HDX: variants seen among roughly 807,000 people sequenced by gnomAD.
HDX encodes highly divergent homeobox.
HDX carries 19 observed loss-of-function variants against 45.2 expected under a neutral mutation model. The observed-to-expected ratio is 0.42, with a 90% CI of 0.29 to 0.62. The LOEUF (loss-of-function observed/expected upper bound fraction) is 0.62. HDX is among the 20% of genes least tolerant of loss of function. The pLI, the probability that HDX is intolerant of heterozygous loss-of-function variation, is 0.20. For synonymous variants in HDX, 188 were observed against 172.8 expected (o/e 1.09, Z -0.69); for missense variants, 532 against 493.9 (o/e 1.08, Z -0.73).
intron 5 of HDX, among the ~76,000 whole-genome samples, chrX:84,419,966 G>A (rs1160003916): frequency 8.9e-6 from 1 of 111,746 alleles, no homozygotes. Flanking sequence ...AGGGCTTCAG[G>A]TGCCACCTAA....
At chrX:84,335,689 A>G (rs937297750) in intron 8 of HDX, among the ~76,000 whole-genome samples, 2 of 111,311 alleles carry the variant, frequency 1.8e-5, no homozygotes, top group Non-Finnish European at 3.8e-5. Context: ...GAAAACAATT[A>G]CTAGTAGCTA....
intron 5 of HDX, among the ~76,000 whole-genome samples, chrX:84,427,219 C>T (rs2039403834): frequency 9.0e-6 from 1 of 111,023 alleles, no homozygotes; most frequent in African/African-American, 3.3e-5. Context: ...ATCTACATTA[C>T]ATTTCATAAG....
chrX:84,486,479 C>T (rs753552278), intron 2 of HDX, among the ~76,000 whole-genome samples: 209 of 111,552 alleles, frequency 1.9e-3, no homozygotes, highest in African/African-American at 6.8e-3. Context: ...CTCAAATTTT[C>T]TCCTGCTATC....
intron 5 of HDX, among the ~76,000 whole-genome samples, chrX:84,423,015 A>G (rs1166335773): frequency 9.0e-6 from 1 of 111,229 alleles, no homozygotes; most frequent in East Asian, 2.8e-4. Flanking sequence ...AGAAATTTAA[A>G]AAAAAGAAAA....
At chrX:84,381,800 T>G (rs1162392117) in intron 5 of HDX, among the ~76,000 whole-genome samples, 1 of 110,982 alleles carries the variant, frequency 9.0e-6, no homozygotes, top group Non-Finnish European at 1.9e-5. Flanking sequence ...GGGCAAAAAT[T>G]TCTTGCATAA....
intron 7 of HDX, among the ~76,000 whole-genome samples, chrX:84,340,826 A>G (rs1322217024): frequency 2.7e-5 from 3 of 111,122 alleles, no homozygotes; most frequent in East Asian, 5.7e-4. Context: ...AATTCTAGGC[A>G]ATCACACTTC....
rs2037004814 is a variant in HDX at position 84,338,055 on chromosome X, A to G, written c.1661-1175T>C. On this transcript the variant is annotated intron_variant, in intron 7 of 10. Transcript: ENST00000373177. Reference sequence around the variant, plus strand: ...ATTTCGCGATCTCATGGTAACTGACATTTTACTTCACCTTAGGAAGCAGAA... The same window carrying G: ...ATTTCGCGATCTCATGGTAACTGACGTTTTACTTCACCTTAGGAAGCAGAA... Among the ~76,000 whole-genome samples, 4 of 111,283 alleles carry G rather than the reference A, an allele frequency of 3.6e-5. No individual in the cohort carries two copies. The South Asian group carries it at 1.5e-3, about 41-fold the overall frequency.
At chrX:84,369,080 C>T (rs1261040565) in intron 5 of HDX, among the ~76,000 whole-genome samples, 3 of 110,796 alleles carry the variant, frequency 2.7e-5, no homozygotes, top group South Asian at 3.9e-4. Context: ...TACCCATTTC[C>T]CCTCCCCAAA....
chrX:84,353,777 G>C (rs2037413875), intron 6 of HDX, among the ~76,000 whole-genome samples: 1 of 111,371 alleles, frequency 9.0e-6, no homozygotes, highest in Admixed American at 9.6e-5. Context: ...ACAATCTGTT[G>C]AGCGTCTGAA....
intron 5 of HDX, among the ~76,000 whole-genome samples, chrX:84,399,248 A>C (rs113047329): frequency 0.24 from 24,043 of 101,992 alleles, 2,492 homozygotes; most frequent in Non-Finnish European, 0.29. Flanking sequence ...AGAGACACAA[A>C]CCCCCCCCCA....
chrX:84,436,393 A>G (rs971545181), intron 5 of HDX, among the ~76,000 whole-genome samples: 1 of 106,377 alleles, frequency 9.4e-6, no homozygotes, highest in East Asian at 2.9e-4. Flanking sequence ...AAAGTATAAT[A>G]AAAAAAAAGA....
intron 6 of HDX, among the ~76,000 whole-genome samples, chrX:84,361,188 T>G (rs896064092): frequency 1.8e-5 from 2 of 112,016 alleles, no homozygotes; most frequent in African/African-American, 6.5e-5. Context: ...AGGTAAATAT[T>G]GGCAATATGT....
chrX:84,459,044 A>T (rs1256936782), intron 4 of HDX, among the ~76,000 whole-genome samples: 4 of 112,486 alleles, frequency 3.6e-5, no homozygotes, highest in Non-Finnish European at 7.5e-5. Context: ...TCCTCTGGTC[A>T]CAATGGAATA....
At chrX:84,475,196 A>T in intron 3 of HDX, 55 bp downstream of exon 3, 1 of 1,036,348 alleles carries the variant, frequency 9.6e-7, no homozygotes, top group Non-Finnish European at 1.3e-6. Context: ...CATATTAAGC[A>T]AATATCACTT....
intron 2 of HDX, among the ~76,000 whole-genome samples, chrX:84,482,788 T>C (rs1374417123): frequency 9.0e-6 from 1 of 111,206 alleles, no homozygotes; most frequent in Non-Finnish European, 1.9e-5. Context: ...AACCCAAAAG[T>C]CCAAGTCCAA....
intron 9 of HDX, among the ~76,000 whole-genome samples, chrX:84,327,193 G>A (rs757332540): frequency 1.2e-4 from 13 of 111,663 alleles, no homozygotes; most frequent in South Asian, 3.7e-4. Context: ...TTTGCTAGTC[G>A]TATAGGTAAA....
intron 1 of HDX, chrX:84,501,523 A>C (rs1318027999): frequency 8.9e-6 from 1 of 112,476 alleles, no homozygotes; most frequent in Non-Finnish European, 1.9e-5. Flanking sequence ...TTTAAGATTA[A>C]AAGTTAGATT....
intron 4 of HDX, among the ~76,000 whole-genome samples, chrX:84,443,772 C>T (rs1040186616): frequency 8.9e-6 from 1 of 111,968 alleles, no homozygotes; most frequent in African/African-American, 3.2e-5. Context: ...TCCGCCAGCT[C>T]CTAAAGCAAT....
chrX:84,356,614 CTTTTTTTTTTT>C (rs59321751), intron 6 of HDX, among the ~76,000 whole-genome samples: 1 of 39,489 alleles, frequency 2.5e-5, no homozygotes, highest in Admixed American at 4.6e-4. Flanking sequence ...CTGTGGATAT[CTTTTTTTTTTT>C]TTTTTTTTTT....
Sources: gnomAD v4.1 joint callset for allele counts (sites outside exome capture counted in the v4.1 genomes callset) on GRCh38, gnomAD v4.1.1 for gene constraint, MANE v1.5 for transcripts, NCBI Gene and HGNC (gene_info 2026-07-23, HGNC 2026-07-21) for gene names.